RPS6KA2: variants seen among roughly 807,000 people sequenced by gnomAD.
RPS6KA2 encodes ribosomal protein S6 kinase A2.
RPS6KA2 carries 42 observed loss-of-function variants against 91.8 expected under a neutral mutation model. The ratio of observed to expected loss-of-function variants is 0.46; its 90% CI spans 0.36 to 0.59. RPS6KA2 has a LOEUF of 0.59. Among genes scored for constraint, RPS6KA2 ranks in the 20% least tolerant of loss-of-function variants. The pLI is 0.00. For missense variants in RPS6KA2, 798 were observed against 978.5 expected, an observed-to-expected ratio of 0.82 and a Z score of 2.46; for synonymous variants, 414 against 393.6, an observed-to-expected ratio of 1.05 and a Z score of -0.61.
At chr6:166,464,804 A>G (rs1780459521) in intron 11 of RPS6KA2, among the ~76,000 whole-genome samples, 1 of 152,166 alleles carries the variant, frequency 6.6e-6, no homozygotes, top group Non-Finnish European at 1.5e-5. Flanking sequence ...CAGCTCATCA[A>G]GCAGAGCTGG....
rs1337545721 is a variant in RPS6KA2, at chr6:166,490,384, C to T, written c.818+287G>A. 6.6e-6 allele frequency among the ~76,000 whole-genome samples: 1 copy of T among 152,170 alleles called. No homozygotes were observed. Among genetic ancestry groups the T allele is most frequent in the Non-Finnish European group, 1.5e-5 (1 of 68,032 alleles). On this transcript the variant is annotated intron_variant, in intron 9 of 20. Coordinates refer to ENST00000265678, the MANE Select transcript of RPS6KA2 (RefSeq NM_021135.6). The surrounding 1 kb of genome is among the most constrained non-coding windows in gnomAD (Gnocchi z 4.2). ...AAGTGACTTACTGATGGAAAACTATCTATGGTAGAAGAGTTCATCAGAACC... is the reference window on the plus strand; with the variant it reads ...AAGTGACTTACTGATGGAAAACTATTTATGGTAGAAGAGTTCATCAGAACC...
At chr6:166,512,840 T>C (rs1583225781) in intron 3 of RPS6KA2, among the ~76,000 whole-genome samples, 1 of 152,228 alleles carries the variant, frequency 6.6e-6, no homozygotes, top group Non-Finnish European at 1.5e-5. Flanking sequence ...TCAGGTGTCA[T>C]TGCAGTGACA....
At chr6:166,630,578 G>A (rs1198335579), upstream of RPS6KA2, among the ~76,000 whole-genome samples, 1 of 152,242 alleles carries the variant, frequency 6.6e-6, no homozygotes, top group Non-Finnish European at 1.5e-5. Context: ...AAAGCAGGAA[G>A]TCGTGCTTTT....
rs775732936 is a variant in RPS6KA2, at chr6:166,413,880, T to A, written c.1990A>T (p.Met664Leu). Reference sequence around the variant, plus strand: ...ACCCACGGGTGTTTGAGCACTTGCATCGCCGTCAGGCGCTGATGAGGGTCC... The same window carrying A: ...ACCCACGGGTGTTTGAGCACTTGCAACGCCGTCAGGCGCTGATGAGGGTCC... ...HVDPHQRLTA[M>L]QVLKHPWVVN... The change falls in exon 20 of 21, where the codon ATG becomes TTG. Residue 664 changes from methionine (M) to leucine (L), a missense_variant. Coordinates refer to ENST00000265678, the MANE Select transcript of RPS6KA2 (RefSeq NM_021135.6). 7 of 1,614,150 alleles carry A rather than the reference T, an allele frequency of 4.3e-6. No individual in the cohort carries two copies. The African/African-American group carries it at 9.3e-5, about 22-fold the overall frequency.
chr6:166,593,104 C>T (rs896862194), intron 1 of RPS6KA2, among the ~76,000 whole-genome samples: 2 of 152,098 alleles, frequency 1.3e-5, no homozygotes, highest in South Asian at 2.1e-4. Flanking sequence ...AGAAGCTTTC[C>T]GATGCAGTGT....
At chr6:166,672,383 C>G (rs1014214398) in intron 2 of RPS6KA2, among the ~76,000 whole-genome samples, 3 of 152,188 alleles carry the variant, frequency 2.0e-5, no homozygotes, top group African/African-American at 7.2e-5. Flanking sequence ...CAAGCATAAC[C>G]AGTCAACCCA....
chr6:166,700,870 T>A (rs886194026), intron 2 of RPS6KA2, among the ~76,000 whole-genome samples: 22 of 152,112 alleles, frequency 1.4e-4, no homozygotes, highest in African/African-American at 5.1e-4. Flanking sequence ...CTGCCACCCT[T>A]TTTTTGTGTG....
rs1272998956 is a variant in RPS6KA2 at position 166,741,847 on chromosome 6, C to T, written c.123+116353G>A. 5.3e-5 allele frequency among the ~76,000 whole-genome samples: 8 copies of T among 152,344 alleles called. No homozygotes were observed. The East Asian group carries it at 1.5e-3, about 29-fold the overall frequency. On this transcript the variant is annotated intron_variant, in intron 2 of 21. Transcript: ENST00000503859. ...GACAGCTGCCTCAAGAAAGGCCAGG[C>T]CGGGCGCAGTGGCTCGCACCTGTAA...
intron 2 of RPS6KA2, among the ~76,000 whole-genome samples, chr6:166,734,166 C>T (rs2128590063): frequency 6.6e-6 from 1 of 152,260 alleles, no homozygotes; most frequent in African/African-American, 2.4e-5. Flanking sequence ...GGCAAGGGGG[C>T]CGAGGGCTCC....
At chr6:166,663,925 G>A (rs1788240493) in intron 2 of RPS6KA2, among the ~76,000 whole-genome samples, 1 of 152,192 alleles carries the variant, frequency 6.6e-6, no homozygotes, top group South Asian at 2.1e-4. Context: ...TATTAGCTGT[G>A]GGACTCCACA....
At chr6:166,752,453 T>C (rs753590568) in intron 2 of RPS6KA2, among the ~76,000 whole-genome samples, 1 of 152,178 alleles carries the variant, frequency 6.6e-6, no homozygotes, top group Non-Finnish European at 1.5e-5. Flanking sequence ...GAGAGAGATT[T>C]TTCAAAATCT....
chr6:166,725,178 T>TA (rs756088695), intron 2 of RPS6KA2, among the ~76,000 whole-genome samples: 1 of 151,932 alleles, frequency 6.6e-6, no homozygotes, highest in Non-Finnish European at 1.5e-5. Flanking sequence ...CTGGACTGAG[T>TA]AAAAAAAAGT....
intron 2 of RPS6KA2, among the ~76,000 whole-genome samples, chr6:166,649,816 C>A (rs1787792350): frequency 6.6e-6 from 1 of 152,152 alleles, no homozygotes. Flanking sequence ...TTGGAAAGCA[C>A]AGAGAACCTG....
chr6:166,744,475 AAC>A (rs950245263), intron 2 of RPS6KA2, among the ~76,000 whole-genome samples: 1 of 152,152 alleles, frequency 6.6e-6, no homozygotes, highest in Non-Finnish European at 1.5e-5. Flanking sequence ...CTCCTTTCAA[AAC>A]ACAGGCTCTA....
intron 2 of RPS6KA2, among the ~76,000 whole-genome samples, chr6:166,841,795 A>G (rs1172572876): frequency 6.6e-6 from 1 of 152,236 alleles, no homozygotes. Context: ...CTCTCTAAAG[A>G]GATGAGGAAG....
At position 166,849,705 on chromosome 6, in the gene RPS6KA2, C is replaced by T. The variant is rs1180595439; in HGVS notation, c.123+8495G>A. 3.3e-5 allele frequency among the ~76,000 whole-genome samples: 5 copies of T among 152,340 alleles called. No individual in the cohort carries two copies. Among genetic ancestry groups the T allele is most frequent in the African/African-American group, 7.2e-5 (3 of 41,578 alleles). ...ATGAGCTTTCCCAACACAGGAGCTG[C>T]GTCCTATGCATACTCAGTCCCATGT... On this transcript the variant is annotated intron_variant, in intron 2 of 21. Transcript: ENST00000503859. This position sits in a 1 kb window ranked among gnomAD's most constrained non-coding sequence, Gnocchi z 4.9.
intron 2 of RPS6KA2, among the ~76,000 whole-genome samples, chr6:166,824,644 T>A (rs932276661): frequency 1.6e-5 from 1 of 62,764 alleles, no homozygotes; most frequent in African/African-American, 3.7e-5. Context: ...TGTCTGTATG[T>A]CTGTGTGTGT....
At chr6:166,647,814 A>C (rs1787666682) in intron 2 of RPS6KA2, among the ~76,000 whole-genome samples, 1 of 132,070 alleles carries the variant, frequency 7.6e-6, no homozygotes, top group African/African-American at 2.6e-5. Context: ...ACATACACAC[A>C]TGCTCACACA....
At chr6:166,531,434 G>T in intron 2 of RPS6KA2, 121 bp from the exon 3 acceptor site, 1 of 758,658 alleles carries the variant, frequency 1.3e-6, no homozygotes, top group Non-Finnish European at 2.2e-6. Context: ...AAGTACACTG[G>T]TGAGAATTTA....
Sources: allele counts gnomAD v4.1 joint callset (sites outside exome capture counted in the v4.1 genomes callset), GRCh38; gene constraint gnomAD v4.1.1; non-coding constraint Gnocchi (gnomAD v3.1); transcripts MANE v1.5; gene names NCBI Gene and HGNC (gene_info 2026-07-23, HGNC 2026-07-21).